Variants in SCHIP1 observed in about 807,000 individuals in gnomAD.
SCHIP1 encodes the protein schwannomin-interacting protein 1.
A neutral mutation model predicts 29.7 loss-of-function variants in SCHIP1; 8 were observed. That is an observed-to-expected ratio of 0.27 (90% CI 0.16 to 0.49). SCHIP1 has a LOEUF of 0.49. Among genes scored for constraint, SCHIP1 ranks in the 20% least tolerant of loss-of-function variants. The pLI is 0.99. For synonymous variants in SCHIP1, 76 were observed against 94.9 expected (o/e 0.80, Z 1.16); for missense variants, 193 against 294.6 (o/e 0.66, Z 2.52).
chr3:159,749,980 G>C, the SCHIP1 span, among the ~76,000 whole-genome samples: 1 of 151,928 alleles, frequency 6.6e-6, no homozygotes, highest in African/African-American at 2.4e-5. Context: ...CCACTCACTA[G>C]TACTAGTAAT....
the SCHIP1 span, among the ~76,000 whole-genome samples, chr3:159,634,798 T>A: frequency 6.6e-6 from 1 of 152,182 alleles, no homozygotes; most frequent in Non-Finnish European, 1.5e-5. Context: ...TCTTCAGAAG[T>A]TTTCCCCCCC....
At chr3:159,859,454 G>C (rs1713781011) in intron 1 of SCHIP1, among the ~76,000 whole-genome samples, 1 of 152,180 alleles carries the variant, frequency 6.6e-6, no homozygotes, top group East Asian at 1.9e-4. Flanking sequence ...TTATAAGCTG[G>C]GGGAAGAAAT....
chr3:159,591,849 G>A, the SCHIP1 span, among the ~76,000 whole-genome samples: 1 of 151,930 alleles, frequency 6.6e-6, no homozygotes, highest in African/African-American at 2.4e-5. Flanking sequence ...GAAGGGTTGA[G>A]AGGTGCAGCA....
chr3:159,553,183 G>T, the SCHIP1 span, among the ~76,000 whole-genome samples: 255 of 150,986 alleles, frequency 1.7e-3, 1 homozygote, highest in African/African-American at 5.9e-3. Flanking sequence ...TATTTAGCCA[G>T]ATTTTGAAAG....
the SCHIP1 span, among the ~76,000 whole-genome samples, chr3:159,284,498 TG>T: frequency 5.5e-4 from 84 of 152,292 alleles, no homozygotes; most frequent in Non-Finnish European, 1.1e-3. Context: ...TGTTTTGTTT[TG>T]TTTTTTTGAG....
chr3:159,320,971 T>C, the SCHIP1 span, among the ~76,000 whole-genome samples: 1 of 152,094 alleles, frequency 6.6e-6, no homozygotes, highest in Non-Finnish European at 1.5e-5. Flanking sequence ...TTTTATTTAT[T>C]TTACTTTTTT....
the SCHIP1 span, among the ~76,000 whole-genome samples, chr3:159,741,371 C>A: frequency 6.6e-6 from 1 of 152,134 alleles, no homozygotes; most frequent in African/African-American, 2.4e-5. Context: ...TCTAATACCC[C>A]GTGTCTCCAC....
At chr3:159,310,033 G>A in the SCHIP1 span, among the ~76,000 whole-genome samples, 1 of 152,166 alleles carries the variant, frequency 6.6e-6, no homozygotes, top group Non-Finnish European at 1.5e-5. Flanking sequence ...CCAGGGTTCA[G>A]TGTAAGCTCA....
At chr3:159,285,412 GTTATT>G in the SCHIP1 span, among the ~76,000 whole-genome samples, 2 of 152,030 alleles carry the variant, frequency 1.3e-5, no homozygotes, top group African/African-American at 2.4e-5. Flanking sequence ...ACATTTCTGA[GTTATT>G]TTATTTTAAC....
At chr3:159,892,001 G>T in intron 5 of SCHIP1, 96 bp from the exon 7 acceptor site, 1 of 1,314,118 alleles carries the variant, frequency 7.6e-7, no homozygotes, top group Non-Finnish European at 1.0e-6. Flanking sequence ...TTCCTATTAT[G>T]GGTAGCTGTT....
chr3:159,624,475 A>C, the SCHIP1 span, among the ~76,000 whole-genome samples: 1 of 152,290 alleles, frequency 6.6e-6, no homozygotes, highest in South Asian at 2.1e-4. Context: ...GGACAGACAA[A>C]TCCTAGAGGT....
chr3:159,436,473 G>A, the SCHIP1 span, among the ~76,000 whole-genome samples: 1 of 152,120 alleles, frequency 6.6e-6, no homozygotes, highest in East Asian at 1.9e-4. Flanking sequence ...ATCAATAATA[G>A]TCCCTTCCTT....
At chr3:159,589,286 G>A in the SCHIP1 span, among the ~76,000 whole-genome samples, 501 of 152,242 alleles carry the variant, frequency 3.3e-3, 2 homozygotes, top group African/African-American at 0.011. Context: ...GGATAAGAAC[G>A]CTTGTGATTT....
At chr3:159,292,519 C>A in the SCHIP1 span, among the ~76,000 whole-genome samples, 1 of 151,948 alleles carries the variant, frequency 6.6e-6, no homozygotes, top group Non-Finnish European at 1.5e-5. Context: ...TAAAGGGGGG[C>A]ATGAAATAAC....
chr3:159,477,826 G>T, the SCHIP1 span, among the ~76,000 whole-genome samples: 1 of 151,634 alleles, frequency 6.6e-6, no homozygotes, highest in African/African-American at 2.4e-5. Context: ...AATGCTTCCA[G>T]GGTCATATTC....
chr3:159,730,797 G>A, the SCHIP1 span, among the ~76,000 whole-genome samples: 1 of 152,128 alleles, frequency 6.6e-6, no homozygotes, highest in Admixed American at 6.5e-5. Flanking sequence ...TCCCAGTGAG[G>A]CTGGGATGGG....
the SCHIP1 span, among the ~76,000 whole-genome samples, chr3:159,661,284 T>G: frequency 6.6e-6 from 1 of 152,180 alleles, no homozygotes; most frequent in Non-Finnish European, 1.5e-5. Flanking sequence ...TATATAATCA[T>G]TTATAATGTT....
At chr3:159,895,210 G>A (rs1238477393) in intron 6 of SCHIP1, among the ~76,000 whole-genome samples, 1 of 152,174 alleles carries the variant, frequency 6.6e-6, no homozygotes, top group Admixed American at 6.5e-5. Flanking sequence ...CTATCGATAA[G>A]GTACTTTTTC....
chr3:159,630,608 C>T, the SCHIP1 span, among the ~76,000 whole-genome samples: 5 of 149,164 alleles, frequency 3.4e-5, no homozygotes, highest in Non-Finnish European at 7.4e-5. Context: ...CATACGTTCT[C>T]ACTCGTAAGT....
Sources: allele counts gnomAD v4.1 joint callset (sites outside exome capture counted in the v4.1 genomes callset), GRCh38; gene constraint gnomAD v4.1.1; transcripts MANE v1.5; gene names NCBI Gene and HGNC (gene_info 2026-07-23, HGNC 2026-07-21).